Variants in CAMTA1 observed in about 807,000 individuals in gnomAD.
CAMTA1 encodes calmodulin binding transcription activator 1.
In CAMTA1, 27 loss-of-function variants were observed where a neutral mutation model predicts 170.9. The ratio of observed to expected loss-of-function variants is 0.16; its 90% CI spans 0.12 to 0.22. CAMTA1 has a LOEUF of 0.22. CAMTA1 is among the 10% of genes least tolerant of loss of function. The pLI is 1.00. For synonymous variants in CAMTA1, 833 were observed against 891.5 expected (o/e 0.93, Z 1.17); for missense variants, 1,619 against 2,217.2 (o/e 0.73, Z 5.42).
intron 3 of CAMTA1, 88 bp from the exon 4 acceptor site, chr1:7,091,216 G>A: frequency 1.2e-6 from 1 of 847,128 alleles, no homozygotes; most frequent in Admixed American, 1.9e-5. Context: ...AATGAAAACA[G>A]CAGCTGGGAA....
At position 7,695,957 on chromosome 1, in the gene CAMTA1, C is replaced by T. The variant is rs763888188; in HGVS notation, c.2914+18224C>T. Among the ~76,000 whole-genome samples the T allele has an allele frequency of 3.3e-5, 5 of 152,290 alleles. No homozygotes were observed. In the East Asian group the frequency reaches 9.7e-4, roughly 29 times the overall value. ...CTGTCTCCTGTTGGTAACAGCACAG[C>T]TCCTCTCTTCATGACCTTGGTACTT... is the stretch of plus-strand genomic sequence containing the variant. On this transcript the variant is annotated intron_variant, in intron 11 of 22. Transcript: ENST00000303635.
At chr1:6,881,383 G>C (rs1242423095) in intron 3 of CAMTA1, among the ~76,000 whole-genome samples, 1 of 152,196 alleles carries the variant, frequency 6.6e-6, no homozygotes, top group African/African-American at 2.4e-5. Flanking sequence ...CTTGAAGGAA[G>C]CAACACCGTG....
intron 3 of CAMTA1, among the ~76,000 whole-genome samples, chr1:6,877,087 G>A (rs1045695731): frequency 5.3e-5 from 8 of 152,234 alleles, no homozygotes; most frequent in Admixed American, 3.3e-4. Context: ...TTAGCTGAGT[G>A]AGAGTTGGGA....
Position 7,537,915 on chromosome 1 carries a change from A to G in CAMTA1, c.510+70014A>G, listed in dbSNP as rs190003074. ...GAGAAGGGAAAACCTGTTCCTCTCA[A>G]AGGGGTCTTTTCCTATTTTCTTCTA... On this transcript the variant is annotated intron_variant, in intron 6 of 22. Transcript: ENST00000303635. 7.2e-5 allele frequency among the ~76,000 whole-genome samples: 11 copies of G among 152,304 alleles called. No individual in the cohort carries two copies. The East Asian group carries it at 1.4e-3, about 19-fold the overall frequency.
At chr1:6,827,673 A>G (rs1647587693) in intron 3 of CAMTA1, among the ~76,000 whole-genome samples, 1 of 152,178 alleles carries the variant, frequency 6.6e-6, no homozygotes, top group African/African-American at 2.4e-5. Flanking sequence ...TGTTGACATG[A>G]AAACCTGAAG....
intron 3 of CAMTA1, among the ~76,000 whole-genome samples, chr1:7,045,174 C>A (rs982610872): frequency 2.0e-5 from 3 of 152,118 alleles, no homozygotes; most frequent in African/African-American, 2.4e-5. Flanking sequence ...ATCATCCCCA[C>A]GTTTTAGACG....
At chr1:7,054,560 C>T (rs1706997447) in intron 3 of CAMTA1, among the ~76,000 whole-genome samples, 2 of 152,206 alleles carry the variant, frequency 1.3e-5, no homozygotes, top group Admixed American at 1.3e-4. Flanking sequence ...ACTGGACAAG[C>T]CCTGGTGGGG....
chr1:7,377,581 C>T (rs2086938561), intron 5 of CAMTA1, among the ~76,000 whole-genome samples: 1 of 152,222 alleles, frequency 6.6e-6, no homozygotes, highest in South Asian at 2.1e-4. Flanking sequence ...CCAATCACTG[C>T]AGCTAGTGGA....
chr1:7,564,871 T>C (rs58850821), intron 6 of CAMTA1, among the ~76,000 whole-genome samples: 3,804 of 149,446 alleles, frequency 0.025, 151 homozygotes, highest in South Asian at 0.096. Context: ...AAAGAGACAA[T>C]GAACAAAAAC....
chr1:7,096,632 A>G (rs539325418), intron 4 of CAMTA1, among the ~76,000 whole-genome samples: 5 of 152,252 alleles, frequency 3.3e-5, no homozygotes, highest in East Asian at 1.9e-4. Flanking sequence ...TGTCCCCTGC[A>G]TCTCATTAGC....
At chr1:7,350,722 G>A (rs979990554) in intron 5 of CAMTA1, among the ~76,000 whole-genome samples, 4 of 151,438 alleles carry the variant, frequency 2.6e-5, no homozygotes, top group Admixed American at 1.3e-4. Context: ...GAAGTCATAT[G>A]GTGTGTGTGT....
intron 3 of CAMTA1, among the ~76,000 whole-genome samples, chr1:6,926,438 C>CTCTTTCTTTCTTTCTTTCTTTCTTTCTT (rs70984040): frequency 7.9e-6 from 1 of 126,088 alleles, no homozygotes; most frequent in Non-Finnish European, 1.7e-5. Context: ...TCTTTCTTTT[C>CTCTTTCTTTCTTTCTTTCTTTCTTTCTT]TCTTTCTTTC....
chr1:7,118,015 G>A (rs946494544), intron 4 of CAMTA1, among the ~76,000 whole-genome samples: 8 of 152,148 alleles, frequency 5.3e-5, no homozygotes, highest in Non-Finnish European at 8.8e-5. Context: ...ATTTTCAGCC[G>A]AGGTGTTGGC....
At chr1:7,177,466 T>A (rs1355974789) in intron 4 of CAMTA1, among the ~76,000 whole-genome samples, 3 of 121,152 alleles carry the variant, frequency 2.5e-5, no homozygotes, top group African/African-American at 6.2e-5. Flanking sequence ...TCCCACACCC[T>A]GAGGCCCCCC....
Position 7,165,471 on chromosome 1 carries a change from AC to A in CAMTA1, c.302+74103del, listed in dbSNP as rs1648194941. Reference sequence around the variant, plus strand: ...TTTGGAGACGGAGTCTCACTCTGTCACCCAGGCTGGAGTGCAGTAGTGCGAT... The same window carrying A: ...TTTGGAGACGGAGTCTCACTCTGTCACCAGGCTGGAGTGCAGTAGTGCGAT... On this transcript the variant is annotated intron_variant, in intron 4 of 22. Coordinates refer to ENST00000303635, the MANE Select transcript of CAMTA1 (RefSeq NM_015215.4). Among the ~76,000 whole-genome samples the A allele has an allele frequency of 3.9e-5, 6 of 152,104 alleles. No homozygotes were observed. In the South Asian group the frequency reaches 1.2e-3, roughly 32 times the overall value.
At chr1:6,999,597 G>A (rs1389787217) in intron 3 of CAMTA1, among the ~76,000 whole-genome samples, 1 of 152,160 alleles carries the variant, frequency 6.6e-6, no homozygotes, top group African/African-American at 2.4e-5. Context: ...TGCCTAGGCT[G>A]GTCTCGAACT....
At position 6,870,400 on chromosome 1, in the gene CAMTA1, C is replaced by T. The variant is rs566588313; in HGVS notation, c.234+45190C>T. On this transcript the variant is annotated intron_variant, in intron 3 of 22. Transcript: ENST00000303635. ...AACATGGCTTTAGGGCACTAACACT[C>T]GGACCGAGTGCATGAGCTCTGCAAG... 5.9e-5 allele frequency among the ~76,000 whole-genome samples: 9 copies of T among 152,134 alleles called. No homozygotes were observed. The South Asian group carries it at 6.2e-4, about 11-fold the overall frequency.
chr1:7,261,628 C>T lies in CAMTA1; in HGVS notation c.438+12002C>T, dbSNP rs545341875. Among the ~76,000 whole-genome samples the T allele has an allele frequency of 1.1e-4, 16 of 152,238 alleles. No individual in the cohort carries two copies. In the South Asian group the frequency reaches 1.2e-3, roughly 12 times the overall value. On this transcript the variant is annotated intron_variant, in intron 5 of 22. Coordinates refer to ENST00000303635, the MANE Select transcript of CAMTA1 (RefSeq NM_015215.4). Reference sequence around the variant, plus strand: ...GAATGCCCCGTTTCACTAGGCTTTGCGGATGGTGGAGGTGGAGGCATTCCT... The same window carrying T: ...GAATGCCCCGTTTCACTAGGCTTTGTGGATGGTGGAGGTGGAGGCATTCCT...
intron 5 of CAMTA1, among the ~76,000 whole-genome samples, chr1:7,362,944 C>G (rs1257427701): frequency 6.6e-6 from 1 of 152,104 alleles, no homozygotes; most frequent in Non-Finnish European, 1.5e-5. Flanking sequence ...AGCGAGTGAA[C>G]TTGGGTAGAG....
Sources: gnomAD v4.1 joint callset for allele counts (sites outside exome capture counted in the v4.1 genomes callset) on GRCh38, gnomAD v4.1.1 for gene constraint, MANE v1.5 for transcripts, NCBI Gene and HGNC (gene_info 2026-07-23, HGNC 2026-07-21) for gene names.